The following KLF8 variants were observed in gnomAD, a reference collection of about 807,000 sequenced individuals.
The protein encoded by KLF8 is KLF transcription factor 8.
Under a neutral mutation model 18.2 loss-of-function variants are expected in KLF8, and 10 were observed. That is an observed-to-expected ratio of 0.55 (90% confidence interval 0.34 to 0.93). KLF8 has a LOEUF of 0.93. Ranked by LOEUF, KLF8 falls within the 40% of genes least tolerant of loss-of-function variation. The pLI, the probability that KLF8 is intolerant of heterozygous loss-of-function variation, is 0.02. For missense variants in KLF8, 264 were observed against 277.9 expected (o/e 0.95, Z 0.36); for synonymous variants, 109 against 97.3 (o/e 1.12, Z -0.71).
the KLF8 span, among the ~76,000 whole-genome samples, chrX:56,023,171 T>G: frequency 9.0e-6 from 1 of 111,713 alleles, no homozygotes; most frequent in Non-Finnish European, 1.9e-5. Flanking sequence ...TAATTTTAAA[T>G]TATAAACTAT....
the KLF8 span, among the ~76,000 whole-genome samples, chrX:56,013,541 A>C: frequency 9.0e-6 from 1 of 111,325 alleles, no homozygotes; most frequent in Non-Finnish European, 1.9e-5. Flanking sequence ...CCCTACCAAA[A>C]TCTCATCTCA....
At chrX:56,052,903 G>T in the KLF8 span, among the ~76,000 whole-genome samples, 1 of 111,337 alleles carries the variant, frequency 9.0e-6, no homozygotes, top group South Asian at 3.9e-4. Flanking sequence ...AGACTGCTGT[G>T]CTAGCAATCT....
the KLF8 span, among the ~76,000 whole-genome samples, chrX:56,151,605 G>A: frequency 2.7e-5 from 3 of 110,799 alleles, no homozygotes; most frequent in Admixed American, 2.9e-4. Flanking sequence ...TGGGAACACT[G>A]GAAAAGAACA....
At chrX:56,266,193 G>A (rs1204866255) in intron 3 of KLF8, 1 of 755,517 alleles carries the variant, frequency 1.3e-6, no homozygotes, top group Non-Finnish European at 1.6e-6. Flanking sequence ...GCTTTGGTGG[G>A]AAAGTTGAGA....
the KLF8 span, among the ~76,000 whole-genome samples, chrX:56,189,989 G>T: frequency 9.2e-6 from 1 of 108,258 alleles, no homozygotes; most frequent in African/African-American, 3.4e-5. Flanking sequence ...CCTGCACATT[G>T]TGCACATGTA....
the KLF8 span, among the ~76,000 whole-genome samples, chrX:55,954,363 T>C: frequency 1.8e-5 from 2 of 111,729 alleles, no homozygotes; most frequent in Non-Finnish European, 3.8e-5. Context: ...TAAAATGATA[T>C]ACTTCACAAA....
intron 1 of KLF8, among the ~76,000 whole-genome samples, chrX:56,244,717 A>T (rs1449189794): frequency 8.9e-6 from 1 of 112,003 alleles, no homozygotes; most frequent in African/African-American, 3.2e-5. Context: ...TTGCAACACT[A>T]CTCTTAATTC....
At chrX:55,993,992 C>A in the KLF8 span, among the ~76,000 whole-genome samples, 2 of 106,616 alleles carry the variant, frequency 1.9e-5, no homozygotes, top group African/African-American at 6.9e-5. Context: ...CTCACTGCAA[C>A]CTCCGCCTCC....
intron 5 of KLF8, among the ~76,000 whole-genome samples, chrX:56,281,279 A>G (rs1338321894): frequency 8.9e-6 from 1 of 111,748 alleles, no homozygotes; most frequent in Admixed American, 9.5e-5. Flanking sequence ...TGTACCATTC[A>G]CTGCACTGCC....
At chrX:55,968,507 G>A in the KLF8 span, among the ~76,000 whole-genome samples, 4 of 111,954 alleles carry the variant, frequency 3.6e-5, no homozygotes, top group African/African-American at 1.3e-4. Context: ...AAGGTTATAT[G>A]ATTTGTCTGT....
At chrX:55,979,677 G>A in the KLF8 span, among the ~76,000 whole-genome samples, 5 of 112,100 alleles carry the variant, frequency 4.5e-5, no homozygotes, top group Non-Finnish European at 9.4e-5. Context: ...AGGTCAGAAA[G>A]ACTGATTAGG....
chrX:56,029,392 A>G, the KLF8 span, among the ~76,000 whole-genome samples: 4 of 111,499 alleles, frequency 3.6e-5, no homozygotes, highest in East Asian at 1.1e-3. Flanking sequence ...TTGATGAGTC[A>G]CTTTATGTCC....
the KLF8 span, among the ~76,000 whole-genome samples, chrX:55,991,656 T>G: frequency 5.5e-4 from 62 of 112,338 alleles, no homozygotes; most frequent in Admixed American, 5.5e-3. Context: ...ACTGATCTGT[T>G]TTAAGTTTCT....
chrX:56,000,312 G>C, the KLF8 span, among the ~76,000 whole-genome samples: 5 of 110,007 alleles, frequency 4.5e-5, no homozygotes, highest in South Asian at 1.6e-3. Context: ...TTGTGTGTGT[G>C]TGTCCTTTCC....
At chrX:56,056,831 TAAAA>T in the KLF8 span, among the ~76,000 whole-genome samples, 4 of 62,696 alleles carry the variant, frequency 6.4e-5, no homozygotes, top group Non-Finnish European at 6.2e-5. Flanking sequence ...ATTGCAGGTG[TAAAA>T]AAAAAAAAAA....
At chrX:56,178,457 T>G in the KLF8 span, among the ~76,000 whole-genome samples, 1 of 112,323 alleles carries the variant, frequency 8.9e-6, no homozygotes, top group Non-Finnish European at 1.9e-5. Flanking sequence ...GATGGTAGTT[T>G]GTTTTGCTGT....
intron 1 of KLF8, among the ~76,000 whole-genome samples, chrX:56,247,072 T>G (rs754121257): frequency 8.9e-6 from 1 of 111,869 alleles, no homozygotes; most frequent in Non-Finnish European, 1.9e-5. Flanking sequence ...AAATACATCC[T>G]TAGACAATTT....
At chrX:56,228,310 A>G (rs2066381996), upstream of KLF8, among the ~76,000 whole-genome samples, 1 of 111,747 alleles carries the variant, frequency 8.9e-6, no homozygotes, top group Non-Finnish European at 1.9e-5. Context: ...TTTGTAGGCT[A>G]TAATCTCATT....
the KLF8 span, among the ~76,000 whole-genome samples, chrX:56,028,504 C>G: frequency 9.0e-6 from 1 of 111,473 alleles, no homozygotes; most frequent in African/African-American, 3.3e-5. Flanking sequence ...CACCTTATAT[C>G]CACAGTCCTC....
Sources: gnomAD v4.1 joint callset for allele counts (sites outside exome capture counted in the v4.1 genomes callset) on GRCh38, gnomAD v4.1.1 for gene constraint, MANE v1.5 for transcripts, NCBI Gene and HGNC (gene_info 2026-07-23, HGNC 2026-07-21) for gene names.